Variants in CPNE4 observed in about 807,000 individuals in gnomAD.
CPNE4 encodes the protein copine-4.
Under a neutral mutation model 67.9 loss-of-function variants are expected in CPNE4, and 25 were observed. The observed-to-expected ratio is 0.37, with a 90% CI of 0.27 to 0.51. The LOEUF is 0.51. Ranked by LOEUF, CPNE4 falls within the 20% of genes least tolerant of loss-of-function variation. The pLI is 0.93. For synonymous variants in CPNE4, 242 were observed against 244.9 expected (o/e 0.99, Z 0.11); for missense variants, 464 against 690.8 (o/e 0.67, Z 3.68).
At chr3:131,746,083 C>G (rs1437298944) in intron 2 of CPNE4, among the ~76,000 whole-genome samples, 1 of 152,010 alleles carries the variant, frequency 6.6e-6, no homozygotes, top group African/African-American at 2.4e-5. Context: ...TTTTCAGCTT[C>G]AAGTTCTGTA....
intron 2 of CPNE4, among the ~76,000 whole-genome samples, chr3:131,865,266 G>T (rs2086888802): frequency 1.3e-5 from 2 of 152,116 alleles, no homozygotes; most frequent in African/African-American, 4.8e-5. Flanking sequence ...GATTGGAATA[G>T]TTTCAGAAGG....
At chr3:131,628,398 G>T (rs1166176993) in intron 7 of CPNE4, among the ~76,000 whole-genome samples, 1 of 152,158 alleles carries the variant, frequency 6.6e-6, no homozygotes, top group Non-Finnish European at 1.5e-5. Context: ...AGCAGAAACC[G>T]CTGATAAGCC....
intron 2 of CPNE4, among the ~76,000 whole-genome samples, chr3:131,841,867 T>C (rs1251771006): frequency 6.6e-6 from 1 of 152,190 alleles, no homozygotes; most frequent in Admixed American, 6.5e-5. Context: ...TATCCTGATA[T>C]GAAATTGAAG....
chr3:132,004,826 C>T (rs962351531), intron 1 of CPNE4, among the ~76,000 whole-genome samples: 1 of 152,042 alleles, frequency 6.6e-6, no homozygotes, highest in Non-Finnish European at 1.5e-5. Flanking sequence ...GACCATGAAG[C>T]TATTCTGAAG....
chr3:131,948,764 G>C (rs1252498564), intron 1 of CPNE4, among the ~76,000 whole-genome samples: 4 of 152,268 alleles, frequency 2.6e-5, no homozygotes, highest in African/African-American at 9.6e-5. Flanking sequence ...TCCTGTAGCA[G>C]CTCAATAAGT....
Position 131,721,835 on chromosome 3 carries a change from A to C in CPNE4, c.360+1611T>G, listed in dbSNP as rs2081895794. Among the ~76,000 whole-genome samples the C allele has an allele frequency of 2.6e-5, 4 of 152,346 alleles. No homozygotes were observed. In the South Asian group the frequency reaches 8.3e-4, roughly 32 times the overall value. ...CATTTTTAAATAGAAACAGGATTTC[A>C]TCTCAAATCCACAATGCATTTATTC... On this transcript the variant is annotated intron_variant, in intron 3 of 15. Transcript: ENST00000429747.
chr3:131,789,226 A>G (rs1210714683), intron 2 of CPNE4, among the ~76,000 whole-genome samples: 1 of 152,190 alleles, frequency 6.6e-6, no homozygotes, highest in African/African-American at 2.4e-5. Flanking sequence ...GCTCTAGAGT[A>G]TAGTAAATAT....
At chr3:132,032,322 G>A (rs1403115058) in intron 1 of CPNE4, among the ~76,000 whole-genome samples, 2 of 152,166 alleles carry the variant, frequency 1.3e-5, no homozygotes, top group African/African-American at 2.4e-5. Context: ...ACCACTCACA[G>A]GAAAGGCATA....
intron 7 of CPNE4, among the ~76,000 whole-genome samples, chr3:131,651,264 T>C (rs1424100298): frequency 6.6e-6 from 1 of 152,196 alleles, no homozygotes; most frequent in East Asian, 1.9e-4. Context: ...TATGGGGCTC[T>C]CTGAGCTTTT....
At chr3:131,950,049 C>G (rs1003794993) in intron 1 of CPNE4, among the ~76,000 whole-genome samples, 14 of 152,060 alleles carry the variant, frequency 9.2e-5, no homozygotes, top group African/African-American at 3.4e-4. Context: ...TTGTTATTTG[C>G]AGTAGTTATG....
intron 1 of CPNE4, among the ~76,000 whole-genome samples, chr3:131,931,997 T>C (rs1221349520): frequency 6.6e-6 from 1 of 152,170 alleles, no homozygotes; most frequent in Non-Finnish European, 1.5e-5. Flanking sequence ...ACACCAACCA[T>C]ATATGGCTAT....
At chr3:131,958,609 CTTTTTTTTTTT>C (rs748126986) in intron 1 of CPNE4, among the ~76,000 whole-genome samples, 53,543 of 100,108 alleles carry the variant, frequency 0.53, 12,428 homozygotes, top group East Asian at 0.7. Context: ...TCTTTCTTTT[CTTTTTTTTTTT>C]TTTTTTTTTT....
At chr3:131,775,836 G>T (rs1455852865) in intron 2 of CPNE4, among the ~76,000 whole-genome samples, 1 of 152,134 alleles carries the variant, frequency 6.6e-6, no homozygotes, top group Non-Finnish European at 1.5e-5. Context: ...CAAATGTCAT[G>T]GTTTCTCTGC....
intron 10 of CPNE4, 137 bp downstream of exon 10, chr3:131,574,934 G>A (rs1460788612): frequency 1.8e-5 from 12 of 682,216 alleles, no homozygotes; most frequent in Non-Finnish European, 2.6e-5. Flanking sequence ...GATACCATAC[G>A]CTTCAACAAT....
chr3:131,938,703 A>G (rs1376223630), intron 1 of CPNE4, among the ~76,000 whole-genome samples: 2 of 152,076 alleles, frequency 1.3e-5, no homozygotes, highest in Admixed American at 1.3e-4. Context: ...CACTATTAGG[A>G]AACCGGCATG....
chr3:131,736,513 G>A (rs906215181), intron 2 of CPNE4, among the ~76,000 whole-genome samples: 10 of 151,634 alleles, frequency 6.6e-5, no homozygotes, highest in African/African-American at 2.4e-4. Flanking sequence ...CCAGCTACTC[G>A]GGAGGCTGAG....
At chr3:131,716,703 C>T (rs997008403) in intron 3 of CPNE4, among the ~76,000 whole-genome samples, 2 of 152,198 alleles carry the variant, frequency 1.3e-5, no homozygotes, top group African/African-American at 2.4e-5. Flanking sequence ...GCCGGGGGCT[C>T]TGTTAAGCAT....
At chr3:131,762,998 A>G (rs1013288998) in intron 2 of CPNE4, among the ~76,000 whole-genome samples, 5 of 152,068 alleles carry the variant, frequency 3.3e-5, no homozygotes, top group African/African-American at 9.7e-5. Flanking sequence ...GAAAGAATAC[A>G]TATACCACAA....
At chr3:131,910,080 A>G (rs1189993722) in intron 1 of CPNE4, among the ~76,000 whole-genome samples, 1 of 152,074 alleles carries the variant, frequency 6.6e-6, no homozygotes, top group Non-Finnish European at 1.5e-5. Flanking sequence ...TGATCATATG[A>G]GGCTGTTTTG....
Sources: gnomAD v4.1 joint callset for allele counts (sites outside exome capture counted in the v4.1 genomes callset) on GRCh38, gnomAD v4.1.1 for gene constraint, MANE v1.5 for transcripts, NCBI Gene and HGNC (gene_info 2026-07-23, HGNC 2026-07-21) for gene names.